UNC13C: variants seen among roughly 807,000 people sequenced by gnomAD.
UNC13C encodes the protein unc-13 homolog C.
UNC13C carries 174 observed loss-of-function variants against 245.4 expected under a neutral mutation model. The observed-to-expected ratio is 0.71, with a 90% CI of 0.63 to 0.80. UNC13C has a LOEUF of 0.80. Among genes scored for constraint, UNC13C ranks in the 30% least tolerant of loss-of-function variants. The probability of loss-of-function intolerance (pLI) is 0.00; values close to 1 mark genes in which losing one functional copy is unlikely to be tolerated. For synonymous variants in UNC13C, 992 were observed against 895.1 expected (o/e 1.11, Z -1.93); for missense variants, 2,829 against 2,602.9 (o/e 1.09, Z -1.89).
chr15:54,437,122 C>T (rs751324809), intron 19 of UNC13C, among the ~76,000 whole-genome samples: 1 of 151,832 alleles, frequency 6.6e-6, no homozygotes, highest in Non-Finnish European at 1.5e-5. Context: ...GTCTTTTCCC[C>T]ATTGTAAAAT....
rs1555411809 is a variant in UNC13C at position 54,076,078 on chromosome 15, T to TTC, written c.2983+60192_2983+60193insTC. Among the ~76,000 whole-genome samples the TTC allele has an allele frequency of 4.1e-5, 6 of 147,716 alleles. 1 individual carries two copies. Among genetic ancestry groups the TTC allele is most frequent in the African/African-American group, 1.5e-4 (6 of 39,768 alleles). On this transcript the variant is annotated intron_variant, in intron 2 of 32. Coordinates refer to ENST00000260323, the MANE Select transcript of UNC13C (RefSeq NM_001080534.3). Reference sequence around the variant, plus strand: ...CACTTAGATTCTTTTTTTTTTTTTTTCACTTTGTCTCCCAGTATTCATATA... The same window carrying TTC: ...CACTTAGATTCTTTTTTTTTTTTTTTTCCACTTTGTCTCCCAGTATTCATATA...
intron 17 of UNC13C, among the ~76,000 whole-genome samples, chr15:54,388,572 G>A (rs1302817862): frequency 6.6e-6 from 1 of 152,134 alleles, no homozygotes; most frequent in African/African-American, 2.4e-5. Flanking sequence ...TTATCTGCAA[G>A]ATATTTTTAT....
intron 4 of UNC13C, among the ~76,000 whole-genome samples, chr15:54,209,540 A>G (rs1567099870): frequency 6.6e-6 from 1 of 151,952 alleles, no homozygotes. Context: ...AATCTCCTGA[A>G]TAGCTGGACT....
In UNC13C at chr15:54,049,220, T is replaced by C. The variant is rs1897169911; in HGVS notation, c.2983+33334T>C. On this transcript the variant is annotated intron_variant, in intron 2 of 32. Coordinates refer to ENST00000260323, the MANE Select transcript of UNC13C (RefSeq NM_001080534.3). ...TTATTTTTTCATCAGCTTTGTCTCA[T>C]TGCTATGGTATCATTACTCAGAGAC... The C allele has an allele frequency of 9.6e-5, 48 of 501,852 alleles. 1 individual carries two copies. The highest frequency in any genetic ancestry group is 7.7e-4 in the South Asian group (47 of 60,744). 31.1% of individuals were successfully genotyped at this position (501,852 alleles called of 1,614,324 possible). A position where few individuals can be genotyped will look rare whatever the true frequency, so the allele number is the denominator to read the frequency against.
Position 54,013,654 on chromosome 15 carries a change from C to T in UNC13C, c.751C>T (p.Gln251Ter). Residue 251 changes from glutamine to a stop codon, truncating the protein, a stop_gained, in exon 2 of 33, where the codon CAG (glutamine) becomes TAG (stop). Transcript: ENST00000260323. LOFTEE classifies it high-confidence loss of function. ...DVMEMIFKEL[Q>*]GISQIETELS... ...CATGGAAATGATCTTTAAGGAACTTCAGGGAATAAGTCAGATTGAAACAGA... is the reference window on the plus strand; with the variant it reads ...CATGGAAATGATCTTTAAGGAACTTTAGGGAATAAGTCAGATTGAAACAGA... 1 of 1,613,780 alleles carries T rather than the reference C, an allele frequency of 6.2e-7. No individual in the cohort carries two copies. Among genetic ancestry groups the T allele is most frequent in the Non-Finnish European group, 8.5e-7 (1 of 1,179,836 alleles).
At chr15:53,870,808 A>G in the UNC13C span, among the ~76,000 whole-genome samples, 1 of 152,162 alleles carries the variant, frequency 6.6e-6, no homozygotes, top group Non-Finnish European at 1.5e-5. Context: ...TCACACAGCA[A>G]TTAACTGAAT....
chr15:54,297,286 G>A (rs1296298833), intron 11 of UNC13C, among the ~76,000 whole-genome samples: 4 of 152,062 alleles, frequency 2.6e-5, no homozygotes, highest in South Asian at 2.1e-4. Flanking sequence ...TCTGTAAGAC[G>A]CTTGATAATT....
intron 17 of UNC13C, among the ~76,000 whole-genome samples, chr15:54,343,305 G>A (rs2038780048): frequency 6.6e-6 from 1 of 151,978 alleles, no homozygotes; most frequent in Non-Finnish European, 1.5e-5. Context: ...GGCTTATTTT[G>A]TATTTTTAGT....
intron 2 of UNC13C, among the ~76,000 whole-genome samples, chr15:54,070,187 T>G (rs1357020541): frequency 6.6e-6 from 1 of 152,226 alleles, no homozygotes; most frequent in East Asian, 1.9e-4. Context: ...CCAAAGCTAT[T>G]TATAGCCTGT....
At chr15:54,072,094 A>G (rs1239020428) in intron 2 of UNC13C, among the ~76,000 whole-genome samples, 2 of 152,020 alleles carry the variant, frequency 1.3e-5, no homozygotes, top group African/African-American at 4.8e-5. Flanking sequence ...TACTTTTCCC[A>G]TAGACTTTGT....
At chr15:54,328,069 G>T (rs1430159271) in intron 14 of UNC13C, among the ~76,000 whole-genome samples, 1 of 152,078 alleles carries the variant, frequency 6.6e-6, no homozygotes, top group Non-Finnish European at 1.5e-5. Context: ...GGAAGGCTAA[G>T]CGTGTCTTGA....
chr15:54,114,160 C>T (rs1016793856), intron 2 of UNC13C, among the ~76,000 whole-genome samples: 2 of 152,152 alleles, frequency 1.3e-5, no homozygotes, highest in South Asian at 2.1e-4. Flanking sequence ...TTAATGTATG[C>T]ATCCTCTTTC....
chr15:54,109,593 C>T (rs746410953), intron 2 of UNC13C, among the ~76,000 whole-genome samples: 25 of 152,056 alleles, frequency 1.6e-4, no homozygotes, highest in African/African-American at 3.9e-4. Context: ...CCATCCACCT[C>T]GGCCTCCCAA....
intron 4 of UNC13C, among the ~76,000 whole-genome samples, chr15:54,159,022 C>CCAA (rs2032867126): frequency 1.3e-5 from 2 of 152,094 alleles, no homozygotes; most frequent in Admixed American, 6.6e-5. Flanking sequence ...GGGACATGGG[C>CCAA]AGGATTTTAT....
chr15:54,603,266 A>C (rs1899546022), intron 30 of UNC13C, among the ~76,000 whole-genome samples: 1 of 152,174 alleles, frequency 6.6e-6, no homozygotes, highest in Non-Finnish European at 1.5e-5. Context: ...TCTTCCTAGA[A>C]TTCTGTGAAG....
intron 2 of UNC13C, among the ~76,000 whole-genome samples, chr15:54,073,587 G>A (rs1332691344): frequency 6.6e-6 from 1 of 152,224 alleles, no homozygotes; most frequent in African/African-American, 2.4e-5. Flanking sequence ...ACTGGCATGA[G>A]ATAGCATCTC....
chr15:54,565,539 G>T lies in UNC13C; in HGVS notation c.5959-2261G>T, dbSNP rs542035579. ...AGTTTTTAAAAGAGAGTATAATTGTGATATCCATGCAGTTATAAAATGTGT... is the reference window on the plus strand; with the variant it reads ...AGTTTTTAAAAGAGAGTATAATTGTTATATCCATGCAGTTATAAAATGTGT... On this transcript the variant is annotated intron_variant, in intron 29 of 32. Transcript: ENST00000260323. 5.4e-4 allele frequency among the ~76,000 whole-genome samples: 82 copies of T among 152,046 alleles called. 1 individual carries two copies. Among genetic ancestry groups the T allele is most frequent in the African/African-American group, 1.7e-3 (72 of 41,502 alleles).
chr15:54,520,056 G>A (rs1895150218), intron 24 of UNC13C, among the ~76,000 whole-genome samples: 1 of 152,200 alleles, frequency 6.6e-6, no homozygotes, highest in African/African-American at 2.4e-5. Context: ...CAGCTTGAAG[G>A]ATGATACGCC....
intron 4 of UNC13C, among the ~76,000 whole-genome samples, chr15:54,147,999 T>C (rs894726661): frequency 2.0e-5 from 3 of 152,212 alleles, no homozygotes; most frequent in Admixed American, 6.5e-5. Flanking sequence ...CTTGAGCCGA[T>C]GTGAAATTCC....
Sources: gnomAD v4.1 joint callset for allele counts (sites outside exome capture counted in the v4.1 genomes callset) on GRCh38, gnomAD v4.1.1 for gene constraint, MANE v1.5 for transcripts, NCBI Gene and HGNC (gene_info 2026-07-23, HGNC 2026-07-21) for gene names.